ASIC2: variants seen among roughly 807,000 people sequenced by gnomAD.
ASIC2 encodes the protein acid sensing ion channel subunit 2.
In ASIC2, 25 loss-of-function variants were observed where a neutral mutation model predicts 57.3. The observed-to-expected ratio is 0.44, with a 90% confidence interval of 0.32 to 0.61. The LOEUF (loss-of-function observed/expected upper bound fraction) is 0.61, where lower values mean the gene tolerates loss of function less well. Among genes scored for constraint, ASIC2 ranks in the 20% least tolerant of loss-of-function variants. The pLI, the probability that ASIC2 is intolerant of heterozygous loss-of-function variation, is 0.06. For missense variants in ASIC2, 641 were observed against 738.1 expected, an observed-to-expected ratio of 0.87 and a Z score of 1.52; for synonymous variants, 319 against 307.5, an observed-to-expected ratio of 1.04 and a Z score of -0.39.
chr17:34,057,002 C>T (rs1334179011), intron 1 of ASIC2, among the ~76,000 whole-genome samples: 1 of 152,160 alleles, frequency 6.6e-6, no homozygotes, highest in Non-Finnish European at 1.5e-5. Context: ...ATAATAGTTG[C>T]CTCGTCTTTT....
At chr17:34,007,022 C>T (rs1722909799) in intron 1 of ASIC2, among the ~76,000 whole-genome samples, 1 of 152,174 alleles carries the variant, frequency 6.6e-6, no homozygotes. Context: ...ATATCCCCAT[C>T]CTGGTTTGAC....
At chr17:33,481,900 C>T (rs1453945388) in intron 1 of ASIC2, among the ~76,000 whole-genome samples, 1 of 152,198 alleles carries the variant, frequency 6.6e-6, no homozygotes, top group Non-Finnish European at 1.5e-5. Flanking sequence ...ATTGCCCTTC[C>T]CTTCATAACC....
intron 1 of ASIC2, among the ~76,000 whole-genome samples, chr17:33,113,678 C>T (rs577813612): frequency 6.6e-6 from 1 of 152,352 alleles, no homozygotes; most frequent in East Asian, 1.9e-4. Context: ...GGCTTCTACC[C>T]TGTGCCAGGA....
At chr17:33,835,701 A>T (rs1014313832) in intron 1 of ASIC2, among the ~76,000 whole-genome samples, 7 of 152,210 alleles carry the variant, frequency 4.6e-5, no homozygotes, top group African/African-American at 1.4e-4. Flanking sequence ...CTATCACATC[A>T]TAGAGGAGTC....
At chr17:34,117,724 G>A (rs1911470266) in intron 1 of ASIC2, among the ~76,000 whole-genome samples, 1 of 152,104 alleles carries the variant, frequency 6.6e-6, no homozygotes, top group African/African-American at 2.4e-5. Flanking sequence ...GACTGGTGAT[G>A]GATTATTTGG....
chr17:34,095,661 A>T lies in ASIC2; in HGVS notation c.555+60317T>A, dbSNP rs925645945. Among the ~76,000 whole-genome samples, 75 of 100,144 alleles carry T rather than the reference A, an allele frequency of 7.5e-4. No individual in the cohort carries two copies. In the East Asian group the frequency reaches 0.015, roughly 20 times the overall value. The allele number at this position is 100,144 out of a possible 152,430, so 65.7% of individuals were successfully genotyped here. On this transcript the variant is annotated intron_variant, in intron 1 of 9. Transcript: ENST00000359872. ...TATATATATATATATATATAATTTT[A>T]TATATATATAGAGAGAGAGATATAT...
chr17:33,553,935 A>G (rs1039330074), intron 1 of ASIC2, among the ~76,000 whole-genome samples: 9 of 152,216 alleles, frequency 5.9e-5, no homozygotes, highest in Non-Finnish European at 2.9e-5. Context: ...AGGCAGGTAG[A>G]CGTTGAATCT....
At chr17:33,095,489 T>G (rs2092174971) in intron 2 of ASIC2, among the ~76,000 whole-genome samples, 1 of 152,204 alleles carries the variant, frequency 6.6e-6, no homozygotes, top group Admixed American at 6.5e-5. Context: ...CTTGGTGAAG[T>G]GAACAAATGT....
chr17:33,060,229 C>T (rs1446163108), intron 3 of ASIC2, among the ~76,000 whole-genome samples: 2 of 152,126 alleles, frequency 1.3e-5, no homozygotes, highest in Non-Finnish European at 2.9e-5. Context: ...GACATGACGT[C>T]CTTGCCCATG....
chr17:33,219,290 C>A (rs1360106651), intron 1 of ASIC2, among the ~76,000 whole-genome samples: 1 of 152,164 alleles, frequency 6.6e-6, no homozygotes, highest in Non-Finnish European at 1.5e-5. Context: ...CAGAAGGCAG[C>A]CCCCCTTGAT....
chr17:33,218,805 C>T (rs966777702), intron 1 of ASIC2, among the ~76,000 whole-genome samples: 3 of 152,114 alleles, frequency 2.0e-5, no homozygotes, highest in Non-Finnish European at 2.9e-5. Flanking sequence ...CTCTTCCCTC[C>T]TCACTCCTTC....
At chr17:33,384,296 A>G (rs554061778) in intron 1 of ASIC2, among the ~76,000 whole-genome samples, 1 of 152,264 alleles carries the variant, frequency 6.6e-6, no homozygotes, top group Non-Finnish European at 1.5e-5. Context: ...GCTAATGGAC[A>G]GATTTAATAT....
At chr17:33,409,443 C>G (rs1385807739) in intron 1 of ASIC2, among the ~76,000 whole-genome samples, 2 of 152,132 alleles carry the variant, frequency 1.3e-5, no homozygotes, top group Admixed American at 6.5e-5. Flanking sequence ...TGAGAAAACT[C>G]CAAGGGTAGC....
At chr17:33,389,024 A>G (rs1435321618) in intron 1 of ASIC2, among the ~76,000 whole-genome samples, 1 of 152,210 alleles carries the variant, frequency 6.6e-6, no homozygotes, top group Non-Finnish European at 1.5e-5. Context: ...CAGTGGCACA[A>G]TCTTGGCTCA....
At chr17:34,113,196 T>A (rs1195939103) in intron 1 of ASIC2, among the ~76,000 whole-genome samples, 2 of 152,084 alleles carry the variant, frequency 1.3e-5, no homozygotes, top group Non-Finnish European at 2.9e-5. Flanking sequence ...CTTCCAGACA[T>A]TGCCCGAAGA....
At chr17:33,268,280 C>A (rs911312658) in intron 1 of ASIC2, among the ~76,000 whole-genome samples, 3 of 152,222 alleles carry the variant, frequency 2.0e-5, no homozygotes, top group Middle Eastern at 3.4e-3. Flanking sequence ...TGTTTACAAC[C>A]AGCAAACCCT....
At chr17:33,465,703 A>G (rs1912842151) in intron 1 of ASIC2, among the ~76,000 whole-genome samples, 1 of 152,182 alleles carries the variant, frequency 6.6e-6, no homozygotes, top group African/African-American at 2.4e-5. Context: ...TAGGTAACTT[A>G]TTCAGAACAG....
chr17:33,503,687 C>G (rs1227002450), intron 1 of ASIC2, among the ~76,000 whole-genome samples: 6 of 152,168 alleles, frequency 3.9e-5, no homozygotes, highest in African/African-American at 9.7e-5. Context: ...AGGAAAAGGA[C>G]CAGAAGGCAG....
At chr17:33,672,396 G>A (rs1217996786) in intron 1 of ASIC2, among the ~76,000 whole-genome samples, 1 of 142,594 alleles carries the variant, frequency 7.0e-6, no homozygotes, top group African/African-American at 2.6e-5. Context: ...CACTTGTGTT[G>A]TGGCTGTTAT....
Sources: gnomAD v4.1 joint callset for allele counts (sites outside exome capture counted in the v4.1 genomes callset) on GRCh38, gnomAD v4.1.1 for gene constraint, MANE v1.5 for transcripts, NCBI Gene and HGNC (gene_info 2026-07-23, HGNC 2026-07-21) for gene names.